Variants in CEP63 observed in about 807,000 individuals in gnomAD.
CEP63 encodes the protein centrosomal protein of 63 kDa.
Under a neutral mutation model 89.1 loss-of-function variants are expected in CEP63, and 84 were observed. That is an observed-to-expected ratio of 0.94 (90% CI 0.79 to 1.13). The LOEUF (loss-of-function observed/expected upper bound fraction) is 1.13. CEP63 is among the 50% of genes most tolerant of loss of function. The pLI is 0.00. For missense variants in CEP63, 838 were observed against 813.3 expected (o/e 1.03, Z -0.37); for synonymous variants, 267 against 272.5 (o/e 0.98, Z 0.20).
At chr3:134,741,220 C>T in the CEP63 span, among the ~76,000 whole-genome samples, 3,034 of 152,314 alleles carry the variant, frequency 0.02, 99 homozygotes, top group African/African-American at 0.069. Context: ...AACCAAGGCC[C>T]ATAGTCCAGC....
At chr3:134,647,674 A>G in the CEP63 span, among the ~76,000 whole-genome samples, 1 of 152,218 alleles carries the variant, frequency 6.6e-6, no homozygotes, top group Non-Finnish European at 1.5e-5. Context: ...CAAAATTCAA[A>G]ACATTTAAAA....
At position 134,550,163 on chromosome 3, in the gene CEP63, A is replaced by C; in HGVS notation, c.1283A>C (p.Asp428Ala). The stretch of plus-strand genomic sequence containing the variant: ...CTAACTCAGGAGTTACATCAGCGAG[A>C]TATCACTATTGCTTCCACCAAAGGT... ...SHLTQELHQR[D>A]ITIASTKGSS... The change falls in exon 11 of 15, where the codon GAT becomes GCT. Residue 428 changes from aspartate (D) to alanine (A), a missense_variant. By Grantham distance (126) the Asp-to-Ala change is moderately radical. Transcript: ENST00000675561. The C allele has an allele frequency of 6.2e-7, 1 of 1,614,088 alleles. No homozygotes were observed. Among genetic ancestry groups the C allele is most frequent in the Non-Finnish European group, 8.5e-7 (1 of 1,179,926 alleles).
chr3:134,541,843 G>A (rs1200882382), intron 6 of CEP63, among the ~76,000 whole-genome samples: 1 of 151,904 alleles, frequency 6.6e-6, no homozygotes, highest in African/African-American at 2.4e-5. Context: ...AGTAATGGGG[G>A]GATGTTTGTT....
the CEP63 span, among the ~76,000 whole-genome samples, chr3:134,717,571 G>T: frequency 4.3e-4 from 65 of 152,196 alleles, no homozygotes; most frequent in Non-Finnish European, 7.4e-4. Flanking sequence ...CTTTAACGAG[G>T]GCAAAGACAT....
At chr3:134,573,565 A>C (rs1342604578) in intron 11 of CEP63, among the ~76,000 whole-genome samples, 1 of 152,088 alleles carries the variant, frequency 6.6e-6, no homozygotes, top group East Asian at 1.9e-4. Context: ...GGCTGTAGGC[A>C]TGTGGCTTTA....
the CEP63 span, among the ~76,000 whole-genome samples, chr3:134,664,295 T>A: frequency 2.0e-5 from 3 of 152,146 alleles, no homozygotes; most frequent in Non-Finnish European, 4.4e-5. Context: ...CCAGCAGCAA[T>A]CACACCCTCT....
At chr3:134,608,505 GCA>G in the CEP63 span, 3 of 1,560,880 alleles carry the variant, frequency 1.9e-6, no homozygotes, top group Non-Finnish European at 2.6e-6. Context: ...TCATCCACAT[GCA>G]CACACAAGCT....
chr3:134,739,174 C>T, the CEP63 span, among the ~76,000 whole-genome samples: 1 of 152,054 alleles, frequency 6.6e-6, no homozygotes, highest in Non-Finnish European at 1.5e-5. Context: ...GGTGTTCACA[C>T]AAAATGTATA....
At chr3:134,709,951 T>C in the CEP63 span, among the ~76,000 whole-genome samples, 1 of 152,220 alleles carries the variant, frequency 6.6e-6, no homozygotes, top group Non-Finnish European at 1.5e-5. Context: ...ACAGAGTCTT[T>C]TCACTCTAAA....
chr3:134,636,657 G>A, the CEP63 span, among the ~76,000 whole-genome samples: 1 of 152,224 alleles, frequency 6.6e-6, no homozygotes, highest in Admixed American at 6.5e-5. Flanking sequence ...TGGCTCCAAT[G>A]AGAATTTCTA....
the CEP63 span, among the ~76,000 whole-genome samples, chr3:134,664,188 A>G: frequency 6.6e-6 from 1 of 152,248 alleles, no homozygotes; most frequent in Middle Eastern, 3.4e-3. Context: ...CCTACTGGGT[A>G]TTTTTATTTT....
chr3:134,612,983 T>A, the CEP63 span: 1 of 153,716 alleles, frequency 6.5e-6, no homozygotes, highest in Non-Finnish European at 1.5e-5. Context: ...CCATAAATAC[T>A]ACTTAAAATT....
the CEP63 span, among the ~76,000 whole-genome samples, chr3:134,699,201 T>G: frequency 1 from 152,313 of 152,374 alleles, 76,126 homozygotes; most frequent in Middle Eastern, 1. Flanking sequence ...AGCACCATTT[T>G]AACACATTAT....
chr3:134,618,055 C>T, the CEP63 span, among the ~76,000 whole-genome samples: 92,996 of 151,834 alleles, frequency 0.61, 29,118 homozygotes, highest in East Asian at 0.87. Flanking sequence ...CCTGACCCAC[C>T]GTGGCTGCGT....
At chr3:134,595,426 G>A in the CEP63 span, among the ~76,000 whole-genome samples, 1 of 152,226 alleles carries the variant, frequency 6.6e-6, no homozygotes, top group Non-Finnish European at 1.5e-5. Context: ...TTTATTAGCA[G>A]TGTGAGAACG....
chr3:134,725,024 T>C, the CEP63 span, among the ~76,000 whole-genome samples: 1 of 152,136 alleles, frequency 6.6e-6, no homozygotes, highest in Admixed American at 6.5e-5. Flanking sequence ...CTCTAAATAA[T>C]ATCTAAAATA....
At chr3:134,637,944 C>T in the CEP63 span, among the ~76,000 whole-genome samples, 4 of 152,236 alleles carry the variant, frequency 2.6e-5, no homozygotes, top group Middle Eastern at 3.2e-3. Context: ...TATTCCTAAT[C>T]CCTTCTCTCC....
chr3:134,552,159 T>TG, intron 12 of CEP63, 147 bp downstream of exon 12: 1 of 509,930 alleles, frequency 2.0e-6, no homozygotes, highest in South Asian at 2.3e-5. Context: ...AAAACAATAC[T>TG]GGAAGTGAGC....
the CEP63 span, among the ~76,000 whole-genome samples, chr3:134,641,972 T>A: frequency 6.6e-6 from 1 of 152,192 alleles, no homozygotes; most frequent in African/African-American, 2.4e-5. Flanking sequence ...GTTGAGTTCA[T>A]TTTAGAGAAG....
Sources: allele counts gnomAD v4.1 joint callset (sites outside exome capture counted in the v4.1 genomes callset), GRCh38; gene constraint gnomAD v4.1.1; transcripts MANE v1.5; gene names NCBI Gene and HGNC (gene_info 2026-07-23, HGNC 2026-07-21).